The following PRKCB variants were observed in gnomAD, a reference collection of about 807,000 sequenced individuals.
The protein encoded by PRKCB is protein kinase C beta type.
Under a neutral mutation model 81.5 loss-of-function variants are expected in PRKCB, and 13 were observed. The observed-to-expected ratio is 0.16, with a 90% CI of 0.10 to 0.25. The LOEUF (loss-of-function observed/expected upper bound fraction) is 0.25. PRKCB is among the 10% of genes least tolerant of loss of function. The pLI is 1.00. For synonymous variants in PRKCB, 335 were observed against 321.4 expected (o/e 1.04, Z -0.45); for missense variants, 509 against 875.7 (o/e 0.58, Z 5.29).
At chr16:23,863,114 G>GATCATATA (rs1002410682) in intron 2 of PRKCB, among the ~76,000 whole-genome samples, 2 of 144,782 alleles carry the variant, frequency 1.4e-5, no homozygotes, top group Admixed American at 1.4e-4. Flanking sequence ...TAACATATAT[G>GATCATATA]ATCATATAAT....
At chr16:23,866,284 C>G (rs576714942) in intron 2 of PRKCB, among the ~76,000 whole-genome samples, 1 of 152,226 alleles carries the variant, frequency 6.6e-6, no homozygotes, top group South Asian at 2.1e-4. Context: ...TATCCCCATA[C>G]ACGTATCTTC....
At chr16:23,978,324 A>T (rs1159290337) in intron 2 of PRKCB, among the ~76,000 whole-genome samples, 1 of 152,166 alleles carries the variant, frequency 6.6e-6, no homozygotes, top group African/African-American at 2.4e-5. Flanking sequence ...CCAGCCTTGC[A>T]TCACTCAGTC....
chr16:24,079,002 C>G (rs1245169722), intron 5 of PRKCB, among the ~76,000 whole-genome samples: 1 of 152,162 alleles, frequency 6.6e-6, no homozygotes, highest in Non-Finnish European at 1.5e-5. Flanking sequence ...GCCATCATAT[C>G]CCCTGTGACC....
chr16:23,857,561 G>A (rs965372072), intron 2 of PRKCB, among the ~76,000 whole-genome samples: 5 of 152,154 alleles, frequency 3.3e-5, no homozygotes, highest in African/African-American at 7.2e-5. Context: ...ATGACAGCTG[G>A]CCTCTCTGTG....
chr16:23,896,137 C>T lies in PRKCB; in HGVS notation c.205+58731C>T, dbSNP rs188596645. ...GTGTTTACTTCTTTCTTCTCCCAATCCACTTTCCTGCCTTTGAAGATTTTA... is the reference window on the plus strand; with the variant it reads ...GTGTTTACTTCTTTCTTCTCCCAATTCACTTTCCTGCCTTTGAAGATTTTA... On this transcript the variant is annotated intron_variant, in intron 2 of 16. Coordinates refer to ENST00000643927, the MANE Select transcript of PRKCB (RefSeq NM_002738.7). Among the ~76,000 whole-genome samples the T allele has an allele frequency of 2.4e-3, 367 of 150,592 alleles. 4 individuals are homozygous for T. Among genetic ancestry groups the T allele is most frequent in the Non-Finnish European group, 3.5e-3 (236 of 67,852 alleles).
Position 23,875,205 on chromosome 16 carries a change from T to C in PRKCB, c.205+37799T>C, listed in dbSNP as rs548351871. Among the ~76,000 whole-genome samples the C allele has an allele frequency of 3.3e-5, 5 of 152,006 alleles. No homozygotes were observed. The South Asian group carries it at 1.0e-3, about 32-fold the overall frequency. The stretch of plus-strand genomic sequence containing the variant: ...AGCACGTGCCACCACACCTGGCTAA[T>C]TTTTTTGAATTTTAGTAGAGATGAG... On this transcript the variant is annotated intron_variant, in intron 2 of 16. Coordinates refer to ENST00000643927, the MANE Select transcript of PRKCB (RefSeq NM_002738.7).
In PRKCB at chr16:24,219,993, A is replaced by C; in HGVS notation, c.*5177A>C. On this transcript the variant is annotated 3_prime_UTR_variant, in exon 17 of 17. Transcript: ENST00000643927. ...AGAGAGACACCTCCAACTTCGACAA[A>C]GAGTTCACCAGACAGCCTGTGGAAC... 6.2e-7 allele frequency: 1 copy of C among 1,614,138 alleles called. No homozygotes were observed. Among genetic ancestry groups the C allele is most frequent in the African/African-American group, 1.3e-5 (1 of 75,048 alleles).
chr16:23,853,326 C>A (rs7404003), intron 2 of PRKCB, among the ~76,000 whole-genome samples: 88,733 of 151,986 alleles, frequency 0.58, 25,978 homozygotes, highest in South Asian at 0.62. Flanking sequence ...CACAGAGTCA[C>A]ACAGGACCCC....
At chr16:23,998,308 T>TGGAA (rs1406849443) in intron 3 of PRKCB, among the ~76,000 whole-genome samples, 6 of 152,212 alleles carry the variant, frequency 3.9e-5, no homozygotes, top group African/African-American at 1.4e-4. Flanking sequence ...GGCTTGCAGA[T>TGGAA]GGAAGACTGT....
intron 3 of PRKCB, among the ~76,000 whole-genome samples, chr16:24,023,174 C>T (rs1442919241): frequency 1.3e-5 from 2 of 151,966 alleles, no homozygotes; most frequent in East Asian, 2.0e-4. Context: ...GATCTTCCCA[C>T]CTTGGCTGGG....
rs765488249 is a variant in PRKCB, at chr16:24,174,509, T to A, written c.1332-9T>A. 7.7e-5 allele frequency: 123 copies of A among 1,599,692 alleles called. 1 individual carries two copies. Among genetic ancestry groups the A allele is most frequent in the South Asian group, 2.9e-4 (26 of 88,846 alleles). ...TTCTCCATCGCTTTTTTTTTTTTTT[T>A]AATTTCAGATTTTACGCTGCAGAAA... is the stretch of plus-strand genomic sequence containing the variant. On this transcript the variant is annotated splice_polypyrimidine_tract_variant and intron_variant, in intron 11 of 16. Coordinates refer to ENST00000643927, the MANE Select transcript of PRKCB (RefSeq NM_002738.7).
At chr16:24,173,731 A>G (rs1046990299) in intron 11 of PRKCB, among the ~76,000 whole-genome samples, 1 of 152,098 alleles carries the variant, frequency 6.6e-6, no homozygotes, top group African/African-American at 2.4e-5. Flanking sequence ...TTCTGTGCTG[A>G]CCTTCAATAA....
rs186402728 is a variant in PRKCB at position 24,108,348 on chromosome 16, T to A, written c.822-4625T>A. Among the ~76,000 whole-genome samples, 163 of 141,256 alleles carry A rather than the reference T, an allele frequency of 1.2e-3. No individual in the cohort carries two copies. The Middle Eastern group carries it at 0.014, about 12-fold the overall frequency. 92.7% of individuals were successfully genotyped at this position (141,256 alleles called of 152,430 possible). A position where few individuals can be genotyped will look rare whatever the true frequency, so the allele number is the denominator to read the frequency against. On this transcript the variant is annotated intron_variant, in intron 7 of 16. Transcript: ENST00000643927. ...TTTTTATTTTATTTTTTTTTAAATT[T>A]ATTTATTTATTTATTTATTTTTTAT...
intron 2 of PRKCB, among the ~76,000 whole-genome samples, chr16:23,886,405 T>G (rs1597228486): frequency 9.5e-6 from 1 of 105,614 alleles, no homozygotes; most frequent in African/African-American, 4.0e-5. Flanking sequence ...GTGTGTTAGG[T>G]GTTTTTTTTT....
chr16:24,075,422 C>T (rs1245894111), intron 5 of PRKCB, among the ~76,000 whole-genome samples: 2 of 152,078 alleles, frequency 1.3e-5, no homozygotes, highest in African/African-American at 4.8e-5. Flanking sequence ...GAGTCTGGGG[C>T]TAGGATTTTT....
intron 10 of PRKCB, among the ~76,000 whole-genome samples, chr16:24,160,678 T>C (rs974225758): frequency 2.0e-5 from 3 of 152,202 alleles, no homozygotes; most frequent in African/African-American, 7.2e-5. Flanking sequence ...ATTTACATTC[T>C]CTTGGGGGAG....
intron 2 of PRKCB, among the ~76,000 whole-genome samples, chr16:23,935,446 A>G (rs560855078): frequency 1.3e-5 from 2 of 152,280 alleles, no homozygotes; most frequent in African/African-American, 4.8e-5. Flanking sequence ...ACTTCTCACT[A>G]ATGGGCATGC....
At chr16:23,903,871 T>G (rs1963519654) in intron 2 of PRKCB, among the ~76,000 whole-genome samples, 2 of 152,200 alleles carry the variant, frequency 1.3e-5, no homozygotes, top group South Asian at 4.1e-4. Flanking sequence ...TTCATGAGGT[T>G]AAGGATCTCT....
intron 7 of PRKCB, among the ~76,000 whole-genome samples, chr16:24,096,574 T>G (rs907015862): frequency 2.7e-4 from 41 of 150,052 alleles, no homozygotes; most frequent in African/African-American, 9.8e-4. Context: ...AGATCATAGA[T>G]GTACTGGGGT....
Sources: gnomAD v4.1 joint callset for allele counts (sites outside exome capture counted in the v4.1 genomes callset) on GRCh38, gnomAD v4.1.1 for gene constraint, MANE v1.5 for transcripts, NCBI Gene and HGNC (gene_info 2026-07-23, HGNC 2026-07-21) for gene names.